The following AGBL4 variants were observed in gnomAD, a reference collection of about 807,000 sequenced individuals.
AGBL4 encodes cytosolic carboxypeptidase 6.
Under a neutral mutation model 66.4 loss-of-function variants are expected in AGBL4, and 58 were observed. The ratio of observed to expected loss-of-function variants is 0.87; its 90% confidence interval spans 0.71 to 1.09. The LOEUF is 1.09. Among genes scored for constraint, AGBL4 ranks in the 50% least tolerant of loss-of-function variants. The probability of loss-of-function intolerance (pLI) is 0.00; values close to 1 mark genes in which losing one functional copy is unlikely to be tolerated. For missense variants in AGBL4, 579 were observed against 631.0 expected, an observed-to-expected ratio of 0.92 and a Z score of 0.88; for synonymous variants, 234 against 222.9, an observed-to-expected ratio of 1.05 and a Z score of -0.44.
At chr1:48,616,985 C>G (rs183157024) in intron 9 of AGBL4, among the ~76,000 whole-genome samples, 11 of 152,224 alleles carry the variant, frequency 7.2e-5, no homozygotes, top group African/African-American at 2.6e-4. Flanking sequence ...TTTTATCTCT[C>G]TACCCCCAAA....
intron 3 of AGBL4, among the ~76,000 whole-genome samples, chr1:49,675,978 A>G (rs1646571099): frequency 6.6e-6 from 1 of 152,022 alleles, no homozygotes; most frequent in African/African-American, 2.4e-5. Flanking sequence ...ATAAAAATAA[A>G]CCCCTCACAA....
intron 3 of AGBL4, among the ~76,000 whole-genome samples, chr1:49,563,698 G>A (rs1644115066): frequency 6.6e-6 from 1 of 152,092 alleles, no homozygotes; most frequent in Admixed American, 6.6e-5. Context: ...ATGTGTTGCT[G>A]GATTTGGTTT....
intron 3 of AGBL4, among the ~76,000 whole-genome samples, chr1:49,396,430 T>C (rs1644976903): frequency 1.3e-5 from 2 of 152,070 alleles, no homozygotes; most frequent in African/African-American, 4.8e-5. Flanking sequence ...GTTTGGAAAG[T>C]AGTGGAAGAA....
At chr1:49,704,934 A>G (rs2124637610) in intron 2 of AGBL4, among the ~76,000 whole-genome samples, 1 of 152,192 alleles carries the variant, frequency 6.6e-6, no homozygotes, top group Middle Eastern at 3.4e-3. Context: ...TCCATAAGAA[A>G]TTTAAAGTAG....
intron 6 of AGBL4, among the ~76,000 whole-genome samples, chr1:48,857,574 A>G (rs1647205659): frequency 6.6e-6 from 1 of 152,042 alleles, no homozygotes; most frequent in Non-Finnish European, 1.5e-5. Flanking sequence ...ACAAAAAATT[A>G]GCCGGGTGTG....
At chr1:49,858,747 T>G (rs1360544351) in intron 1 of AGBL4, among the ~76,000 whole-genome samples, 1 of 152,088 alleles carries the variant, frequency 6.6e-6, no homozygotes, top group Non-Finnish European at 1.5e-5. Flanking sequence ...CCAGGCAAGG[T>G]GCCTCACACC....
chr1:49,851,935 C>A (rs970725401), intron 1 of AGBL4, among the ~76,000 whole-genome samples: 5 of 152,036 alleles, frequency 3.3e-5, no homozygotes, highest in African/African-American at 1.2e-4. Context: ...AACATATATT[C>A]AATTGTTTAA....
At chr1:49,959,401 T>C (rs1215310220) in intron 1 of AGBL4, among the ~76,000 whole-genome samples, 5 of 152,046 alleles carry the variant, frequency 3.3e-5, no homozygotes, top group Non-Finnish European at 5.9e-5. Flanking sequence ...ATTTTGAAAA[T>C]AGCAGGATTC....
intron 2 of AGBL4, among the ~76,000 whole-genome samples, chr1:49,831,604 C>A (rs1335238612): frequency 1.3e-5 from 2 of 152,138 alleles, no homozygotes; most frequent in South Asian, 2.1e-4. Flanking sequence ...CCCTTTATTT[C>A]TTTCTCTTGC....
chr1:49,036,101 C>A, intron 5 of AGBL4, among the ~76,000 whole-genome samples: 1 of 150,922 alleles, frequency 6.6e-6, no homozygotes, highest in Non-Finnish European at 1.5e-5. Flanking sequence ...GCATATGTAC[C>A]TCCTGAATCT....
At chr1:48,671,740 A>C (rs1013522283) in intron 6 of AGBL4, among the ~76,000 whole-genome samples, 9 of 152,230 alleles carry the variant, frequency 5.9e-5, no homozygotes, top group African/African-American at 2.2e-4. Context: ...CTAGACAGTA[A>C]GCAACAGGAA....
Position 48,591,001 on chromosome 1 carries a change from A to G in AGBL4, c.952-16T>C. ...GGCTTGTTTTCTGTTGAGAGAAAGG[A>G]TAACAAATGAGAAGTCTGGGCTGTA... On this transcript the variant is annotated splice_polypyrimidine_tract_variant and intron_variant, in intron 9 of 13. Transcript: ENST00000371839. 1 of 1,599,932 alleles carries G rather than the reference A, an allele frequency of 6.3e-7. No individual in the cohort carries two copies. Among genetic ancestry groups the G allele is most frequent in the Non-Finnish European group, 8.5e-7 (1 of 1,173,358 alleles).
At chr1:49,704,738 T>C (rs1183876446) in intron 2 of AGBL4, among the ~76,000 whole-genome samples, 5 of 152,150 alleles carry the variant, frequency 3.3e-5, no homozygotes, top group Non-Finnish European at 5.9e-5. Context: ...CAGATGGTTG[T>C]AGATGTGTGG....
intron 11 of AGBL4, among the ~76,000 whole-genome samples, chr1:48,548,967 CAAAGAGAAA>C (rs1227138956): frequency 6.6e-6 from 1 of 152,150 alleles, no homozygotes; most frequent in Non-Finnish European, 1.5e-5. Flanking sequence ...TAGGATACAA[CAAAGAGAAA>C]ACAGACACAT....
intron 3 of AGBL4, among the ~76,000 whole-genome samples, chr1:49,398,463 TACC>T (rs1177686066): frequency 1.3e-5 from 2 of 152,172 alleles, no homozygotes; most frequent in East Asian, 3.9e-4. Flanking sequence ...GACTGAATTA[TACC>T]ACTGGCTTTT....
chr1:49,969,528 C>T (rs1323256173), intron 1 of AGBL4, among the ~76,000 whole-genome samples: 1 of 152,138 alleles, frequency 6.6e-6, no homozygotes, highest in Non-Finnish European at 1.5e-5. Flanking sequence ...CCCCATTTCC[C>T]CCACCCCACA....
At chr1:49,316,234 G>A (rs1026175300) in intron 3 of AGBL4, among the ~76,000 whole-genome samples, 4 of 152,048 alleles carry the variant, frequency 2.6e-5, no homozygotes, top group African/African-American at 7.2e-5. Context: ...AATGTACAAC[G>A]CAGAGTGAAT....
rs530411323 is a variant in AGBL4, at chr1:48,665,388, G to A, written c.635-2147C>T. On this transcript the variant is annotated intron_variant, in intron 6 of 13. Transcript: ENST00000371839. ...CCAGGACCCCCTGCATGGAGTAGGTGCTCGAGGACTGGCTATTGAATTAAT... is the reference window on the plus strand; with the variant it reads ...CCAGGACCCCCTGCATGGAGTAGGTACTCGAGGACTGGCTATTGAATTAAT... 1.4e-4 allele frequency among the ~76,000 whole-genome samples: 21 copies of A among 152,316 alleles called. No individual in the cohort carries two copies. The East Asian group carries it at 3.1e-3, about 22-fold the overall frequency.
In AGBL4 at chr1:49,944,823, A is replaced by C. The variant is rs574306144; in HGVS notation, c.34+78940T>G. Among the ~76,000 whole-genome samples the C allele has an allele frequency of 4.6e-5, 7 of 152,168 alleles. No homozygotes were observed. In the East Asian group the frequency reaches 9.7e-4, roughly 21 times the overall value. On this transcript the variant is annotated intron_variant, in intron 1 of 13. Transcript: ENST00000371839. ...AAACCAAAAAAAACAATCATACAAGAAATGAGGGGAGAAATCTTCAGTGAA... is the reference window on the plus strand; with the variant it reads ...AAACCAAAAAAAACAATCATACAAGCAATGAGGGGAGAAATCTTCAGTGAA...
Sources: gnomAD v4.1 joint callset for allele counts (sites outside exome capture counted in the v4.1 genomes callset) on GRCh38, gnomAD v4.1.1 for gene constraint, MANE v1.5 for transcripts, NCBI Gene and HGNC (gene_info 2026-07-23, HGNC 2026-07-21) for gene names.